MCTP1: variants seen among roughly 807,000 people sequenced by gnomAD.
MCTP1 encodes the protein multiple C2 and transmembrane domain containing 1, also known as multiple C2 and transmembrane domain-containing protein 1.
A neutral mutation model predicts 120.6 loss-of-function variants in MCTP1; 69 were observed. The ratio of observed to expected loss-of-function variants is 0.57; its 90% confidence interval spans 0.47 to 0.70. MCTP1 has a LOEUF of 0.70. MCTP1 is among the 30% of genes least tolerant of loss of function. The probability of loss-of-function intolerance (pLI) is 0.00; values close to 1 mark genes in which losing one functional copy is unlikely to be tolerated. For missense variants in MCTP1, 1,203 were observed against 1,248.8 expected (o/e 0.96, Z 0.55); for synonymous variants, 529 against 493.1 (o/e 1.07, Z -0.96).
chr5:94,969,355 C>T (rs1826281987), intron 2 of MCTP1, among the ~76,000 whole-genome samples: 1 of 152,100 alleles, frequency 6.6e-6, no homozygotes, highest in South Asian at 2.1e-4. Flanking sequence ...CCTATCTTCC[C>T]TTAAACTAGT....
intron 1 of MCTP1, among the ~76,000 whole-genome samples, chr5:95,152,504 A>T (rs1744644773): frequency 6.6e-6 from 1 of 152,164 alleles, no homozygotes; most frequent in Non-Finnish European, 1.5e-5. Context: ...GAAACTAGGA[A>T]ATGTTACCAG....
At chr5:95,167,378 C>T (rs1339065969) in intron 1 of MCTP1, among the ~76,000 whole-genome samples, 1 of 152,146 alleles carries the variant, frequency 6.6e-6, no homozygotes, top group Non-Finnish European at 1.5e-5. Context: ...TACATGTGCA[C>T]ATGTCTTTAT....
intron 1 of MCTP1, among the ~76,000 whole-genome samples, chr5:95,226,700 C>T (rs765890395): frequency 2.0e-5 from 3 of 151,538 alleles, no homozygotes; most frequent in African/African-American, 7.3e-5. Flanking sequence ...AAAATATTTA[C>T]TGTTAAGTAA....
chr5:95,042,805 TC>T (rs1343441247), intron 1 of MCTP1, among the ~76,000 whole-genome samples: 1 of 152,182 alleles, frequency 6.6e-6, no homozygotes, highest in African/African-American at 2.4e-5. Context: ...GTCAATACAT[TC>T]AGCTCTACCT....
chr5:94,867,564 T>A, intron 17 of MCTP1: 1 of 427,464 alleles, frequency 2.3e-6, no homozygotes, highest in Non-Finnish European at 4.1e-6. Flanking sequence ...TGAACAAACA[T>A]GAAAATAAAA....
At chr5:95,243,654 G>A (rs1756423737) in intron 1 of MCTP1, among the ~76,000 whole-genome samples, 1 of 152,202 alleles carries the variant, frequency 6.6e-6, no homozygotes, top group East Asian at 1.9e-4. Flanking sequence ...AAACTGGAGA[G>A]AGAGACACCA....
At chr5:95,255,365 G>T (rs1229042692) in intron 1 of MCTP1, among the ~76,000 whole-genome samples, 4 of 152,184 alleles carry the variant, frequency 2.6e-5, no homozygotes, top group Non-Finnish European at 5.9e-5. Context: ...ACATTTTAAA[G>T]AATTGATAGA....
intron 1 of MCTP1, among the ~76,000 whole-genome samples, chr5:95,220,587 A>G (rs1753579298): frequency 6.6e-6 from 1 of 152,218 alleles, no homozygotes; most frequent in African/African-American, 2.4e-5. Flanking sequence ...TCATTCATCA[A>G]TGTAACTCAG....
intron 1 of MCTP1, among the ~76,000 whole-genome samples, chr5:95,128,489 T>A (rs888673542): frequency 6.6e-6 from 1 of 152,190 alleles, no homozygotes; most frequent in Non-Finnish European, 1.5e-5. Flanking sequence ...TTATTTAGTC[T>A]TAAAGAAATG....
intron 3 of MCTP1, among the ~76,000 whole-genome samples, chr5:94,948,374 C>T (rs913337666): frequency 2.0e-5 from 3 of 152,056 alleles, no homozygotes; most frequent in Non-Finnish European, 2.9e-5. Flanking sequence ...TTCATTTTCC[C>T]GAGACTCAAT....
intron 20 of MCTP1, among the ~76,000 whole-genome samples, chr5:94,711,443 C>G (rs1184001670): frequency 6.6e-6 from 1 of 152,056 alleles, no homozygotes; most frequent in Non-Finnish European, 1.5e-5. Context: ...CTCACTTGTC[C>G]TACCTCAGCT....
At chr5:95,013,390 T>C (rs1255940351) in intron 2 of MCTP1, among the ~76,000 whole-genome samples, 1 of 152,152 alleles carries the variant, frequency 6.6e-6, no homozygotes, top group African/African-American at 2.4e-5. Flanking sequence ...CAGCCTTCTA[T>C]TGGAAGAAGA....
At chr5:94,947,577 T>TATATATATATATAGAGAGAGAGAGAGAG in intron 3 of MCTP1, among the ~76,000 whole-genome samples, 1 of 47,400 alleles carries the variant, frequency 2.1e-5, no homozygotes, top group Non-Finnish European at 4.0e-5. Flanking sequence ...TATATATATA[T>TATATATATATATAGAGAGAGAGAGAGAG]AGAGAGAGAG....
chr5:94,976,529 T>TTTGA (rs985520326), intron 2 of MCTP1, among the ~76,000 whole-genome samples: 7 of 152,188 alleles, frequency 4.6e-5, no homozygotes, highest in Admixed American at 2.6e-4. Context: ...GAGTTTTTTA[T>TTTGA]TTGATTGATT....
At chr5:94,817,585 T>G (rs1784739818) in intron 17 of MCTP1, among the ~76,000 whole-genome samples, 1 of 152,196 alleles carries the variant, frequency 6.6e-6, no homozygotes, top group African/African-American at 2.4e-5. Flanking sequence ...TCTGAGGGAT[T>G]TTTCCTATTG....
chr5:94,709,734 A>G (rs557567913), intron 21 of MCTP1: 1 of 151,840 alleles, frequency 6.6e-6, no homozygotes, highest in Admixed American at 6.6e-5. Flanking sequence ...TGAATTATAG[A>G]AATTAGGAAA....
chr5:95,144,585 G>A (rs1760217100), intron 1 of MCTP1, among the ~76,000 whole-genome samples: 1 of 152,090 alleles, frequency 6.6e-6, no homozygotes, highest in African/African-American at 2.4e-5. Flanking sequence ...ATGGTGGAAT[G>A]TAGGGGTTTT....
At chr5:94,988,026 A>C (rs539783327) in intron 2 of MCTP1, among the ~76,000 whole-genome samples, 2 of 152,322 alleles carry the variant, frequency 1.3e-5, no homozygotes, top group African/African-American at 4.8e-5. Context: ...CTCTTGCCAC[A>C]GTCACTCCAT....
chr5:94,905,574 A>G (rs1220812185), intron 10 of MCTP1, among the ~76,000 whole-genome samples: 1 of 152,196 alleles, frequency 6.6e-6, no homozygotes, highest in Non-Finnish European at 1.5e-5. Flanking sequence ...AAGAAAAATT[A>G]TCAGGTTGCT....
Sources: gnomAD v4.1 joint callset for allele counts (sites outside exome capture counted in the v4.1 genomes callset) on GRCh38, gnomAD v4.1.1 for gene constraint, MANE v1.5 for transcripts, NCBI Gene and HGNC (gene_info 2026-07-23, HGNC 2026-07-21) for gene names.